The following NUP50 variants were observed in gnomAD, a reference collection of about 807,000 sequenced individuals.
NUP50 encodes the protein nuclear pore complex protein Nup50.
NUP50 carries 14 observed loss-of-function variants against 36.8 expected under a neutral mutation model. The observed-to-expected ratio is 0.38, with a 90% CI of 0.25 to 0.59. NUP50 has a LOEUF of 0.59. Among genes scored for constraint, NUP50 ranks in the 20% least tolerant of loss-of-function variants. The probability of loss-of-function intolerance (pLI) is 0.63; values close to 1 mark genes in which losing one functional copy is unlikely to be tolerated. For synonymous variants in NUP50, 195 were observed against 210.8 expected (o/e 0.93, Z 0.65); for missense variants, 455 against 564.6 (o/e 0.81, Z 1.97).
chr22:45,183,752 T>C, intron 7 of NUP50: 3 of 461,640 alleles, frequency 6.5e-6, no homozygotes, highest in South Asian at 5.7e-5. Flanking sequence ...GTGTTAGAAA[T>C]GTGACTAAGA....
rs984876572 is a variant in NUP50 at position 45,168,279 on chromosome 22, G to C, written c.69+33G>C. The C allele has an allele frequency of 1.9e-6, 3 of 1,550,230 alleles. No individual in the cohort carries two copies. In the African/African-American group the frequency reaches 4.1e-5, roughly 21 times the overall value. ...GCAGCTTCCCTAAGAATGATTTCCT[G>C]TTTCTTTTGCCTTTTACATTCATTT... On this transcript the variant is annotated intron_variant, in intron 2 of 7. Coordinates refer to ENST00000347635, the MANE Select transcript of NUP50 (RefSeq NM_007172.4).
chr22:45,178,466 A>G lies in NUP50; in HGVS notation c.569A>G (p.Tyr190Cys). The change falls in exon 5 of 8, where the codon TAT becomes TGT. Residue 190 changes from tyrosine (Y) to cysteine (C), a missense_variant. Physicochemically the swap from Tyr to Cys is radical, Grantham distance 194. Coordinates refer to ENST00000347635, the MANE Select transcript of NUP50 (RefSeq NM_007172.4). ...LCDLTPIFKD[Y>C]EKYLANIEQQ... ...GATCTGACACCTATCTTTAAAGACTATGAGAAATATTTAGCAAACATTGAA... is the reference window on the plus strand; with the variant it reads ...GATCTGACACCTATCTTTAAAGACTGTGAGAAATATTTAGCAAACATTGAA... The G allele has an allele frequency of 6.2e-7, 1 of 1,613,182 alleles. No individual in the cohort carries two copies.
At chr22:45,171,857 G>A (rs959001180) in intron 3 of NUP50, 174 bp downstream of exon 3, 1 of 557,916 alleles carries the variant, frequency 1.8e-6, no homozygotes, top group Non-Finnish European at 3.2e-6. Flanking sequence ...GGACCTTAAA[G>A]AGAGCTTATC....
intron 6 of NUP50, 45 bp from the exon 7 acceptor site, chr22:45,183,357 A>T (rs778353508): frequency 6.2e-6 from 7 of 1,136,942 alleles, no homozygotes; most frequent in South Asian, 3.8e-5. Flanking sequence ...GTGTGACTTG[A>T]TTCGTCCTTG....
In NUP50 at chr22:45,171,635, G is replaced by A. The variant is rs775141948; in HGVS notation, c.105G>A (p.Leu35=). Residue 35 remains leucine (L), a synonymous_variant, in exon 3 of 8, where the codon TTG becomes TTA. Transcript: ENST00000347635. ...TCTCCATGGCCAGTGAGGAAGTCTT[G>A]AAGAATAGAGCCATAAAGAAAGCAA... ...GTFSMASEEV[L]KNRAIKKAKR... is the part of the protein sequence containing the mutation. 2.5e-6 allele frequency: 4 copies of A among 1,614,118 alleles called. No individual in the cohort carries two copies. In the East Asian group the frequency reaches 6.7e-5, roughly 27 times the overall value.
intron 3 of NUP50, among the ~76,000 whole-genome samples, chr22:45,173,053 A>G (rs763484474): frequency 1.2e-4 from 19 of 152,316 alleles, no homozygotes; most frequent in Middle Eastern, 3.4e-3. Context: ...CTTCAGATGC[A>G]TGAGAGGAGC....
intron 1 of NUP50, among the ~76,000 whole-genome samples, chr22:45,167,278 G>T (rs1159931307): frequency 6.6e-6 from 1 of 152,176 alleles, no homozygotes; most frequent in African/African-American, 2.4e-5. Context: ...AAGGTTTTTT[G>T]TCCAGCTGGA....
Position 45,184,531 on chromosome 22 carries a change from G to A in NUP50, c.1283G>A (p.Cys428Tyr), listed in dbSNP as rs570553057. 1.2e-6 allele frequency: 2 copies of A among 1,613,562 alleles called. No individual in the cohort carries two copies. Among genetic ancestry groups the A allele is most frequent in the Non-Finnish European group, 1.7e-6 (2 of 1,179,514 alleles). The change falls in exon 8 of 8, where the codon TGT (cysteine) becomes TAT (tyrosine). Residue 428 changes from cysteine (C) to tyrosine (Y), a missense_variant. Physicochemically the swap from Cys to Tyr is radical, Grantham distance 194. Around this residue, in one of 3 missense-constraint regions of NUP50, gnomAD observed 287 missense variants for 345.5 expected, o/e 0.83. Transcript: ENST00000347635. ...GGGAAGAATAACGTTCTTATCGTCT[G>A]TGTTCCAAATCCACCAATTGACGAG... ...RTGKNNVLIV[C>Y]VPNPPIDEKN...
chr22:45,183,601 AAT>A (rs767507661), intron 7 of NUP50, 81 bp downstream of exon 7: 16 of 924,940 alleles, frequency 1.7e-5, no homozygotes, highest in Admixed American at 1.6e-4. Flanking sequence ...CAAGGTTATT[AAT>A]ATGTTTTTAA....
Position 45,186,746 on chromosome 22 carries a change from T to C in NUP50, c.*2091T>C, listed in dbSNP as rs1174832829. The C allele has an allele frequency of 8.5e-5, 13 of 152,664 alleles. No individual in the cohort carries two copies. The highest frequency in any genetic ancestry group is 1.9e-4 in the Non-Finnish European group (13 of 68,046). 9.5% of individuals were successfully genotyped at this position (152,664 alleles called of 1,614,324 possible). On this transcript the variant is annotated 3_prime_UTR_variant, in exon 8 of 8. Transcript: ENST00000347635. Reference sequence around the variant, plus strand: ...AGACTATCACTGTTAAAGTGAAAATTACAGGGAAAAATGTGATGAATATAC... The same window carrying C: ...AGACTATCACTGTTAAAGTGAAAATCACAGGGAAAAATGTGATGAATATAC...
intron 7 of NUP50, chr22:45,184,242 G>C (rs958611253): frequency 3.5e-6 from 2 of 577,896 alleles, no homozygotes; most frequent in Non-Finnish European, 6.2e-6. Context: ...GGGCTGGAGG[G>C]AGGACGGAAG....
At chr22:45,177,745 C>T (rs2074299240) in intron 4 of NUP50, 1 of 154,690 alleles carries the variant, frequency 6.5e-6, no homozygotes, top group African/African-American at 2.4e-5. Context: ...CTTGTATAAA[C>T]TTTGACTTGA....
Position 45,179,009 on chromosome 22 carries a change from G to T in NUP50, c.1003+109G>T, listed in dbSNP as rs1162404090. ...GAGTCTGGATTCACATTGAGACGTTGTTCTCTCCATGTGTGATCTCAGACA... is the reference window on the plus strand; with the variant it reads ...GAGTCTGGATTCACATTGAGACGTTTTTCTCTCCATGTGTGATCTCAGACA... On this transcript the variant is annotated intron_variant, in intron 5 of 7. Coordinates refer to ENST00000347635, the MANE Select transcript of NUP50 (RefSeq NM_007172.4). 9.6e-6 allele frequency: 10 copies of T among 1,046,056 alleles called. No homozygotes were observed. In the African/African-American group the frequency reaches 1.1e-4, roughly 12 times the overall value. 64.8% of individuals were successfully genotyped at this position (1,046,056 alleles called of 1,614,324 possible). A position where few individuals can be genotyped will look rare whatever the true frequency, so the allele number is the denominator to read the frequency against.
At chr22:45,182,598 A>G (rs1345411884) in intron 6 of NUP50, among the ~76,000 whole-genome samples, 2 of 151,264 alleles carry the variant, frequency 1.3e-5, no homozygotes. Context: ...TTGTGCAATC[A>G]AAAACTGAAA....
Position 45,183,382 on chromosome 22 carries a change from C to T in NUP50, c.1086-20C>T, listed in dbSNP as rs775665771. The stretch of plus-strand genomic sequence containing the variant: ...ATTCGTCCTTGAATGCTTGATGGTC[C>T]CTATTATTTTTCTCCATAGGTGTAA... On this transcript the variant is annotated intron_variant, in intron 6 of 7. Transcript: ENST00000347635. The T allele has an allele frequency of 6.5e-5, 88 of 1,361,276 alleles. No individual in the cohort carries two copies. The highest frequency in any genetic ancestry group is 2.5e-4 in the Middle Eastern group (1 of 3,972). 84.3% of individuals were successfully genotyped at this position (1,361,276 alleles called of 1,614,324 possible).
At chr22:45,176,523 G>C (rs533454244) in intron 4 of NUP50, among the ~76,000 whole-genome samples, 2 of 152,286 alleles carry the variant, frequency 1.3e-5, no homozygotes, top group African/African-American at 4.8e-5. Context: ...AGGTTTGTTT[G>C]GGTATGGGAT....
chr22:45,185,505 G>C lies in NUP50; in HGVS notation c.*850G>C, dbSNP rs2074455765. The stretch of plus-strand genomic sequence containing the variant: ...CCATCCGAGAAAAAGATGCGCATAG[G>C]CATTTGTACCATGATCAACCCCACG... On this transcript the variant is annotated 3_prime_UTR_variant, in exon 8 of 8. Transcript: ENST00000347635. 2.0e-5 allele frequency: 3 copies of C among 151,930 alleles called. No homozygotes were observed. In the South Asian group the frequency reaches 6.3e-4, roughly 32 times the overall value. The allele number at this position is 151,930 out of a possible 1,614,324, so 9.4% of individuals were successfully genotyped here. A position where few individuals can be genotyped will look rare whatever the true frequency, so the allele number is the denominator to read the frequency against.
intron 4 of NUP50, 34 bp downstream of exon 4, chr22:45,176,114 A>C (rs747755517): frequency 6.3e-7 from 1 of 1,598,612 alleles, no homozygotes; most frequent in African/African-American, 1.4e-5. Context: ...CGCCTGTGTA[A>C]GTATCATCTA....
chr22:45,173,099 G>C (rs745680330), intron 3 of NUP50, among the ~76,000 whole-genome samples: 2 of 152,160 alleles, frequency 1.3e-5, no homozygotes, highest in Non-Finnish European at 2.9e-5. Context: ...CTTTCATGTA[G>C]AATTCAGGTT....
Sources: allele counts gnomAD v4.1 joint callset (sites outside exome capture counted in the v4.1 genomes callset), GRCh38; gene constraint gnomAD v4.1.1; regional missense constraint gnomAD v4.1.1; transcripts MANE v1.5; gene names NCBI Gene and HGNC (gene_info 2026-07-23, HGNC 2026-07-21).